CNTN6: variants seen among roughly 807,000 people sequenced by gnomAD.
CNTN6 encodes contactin-6.
CNTN6 carries 137 observed loss-of-function variants against 122.8 expected under a neutral mutation model. The observed-to-expected ratio is 1.12, with a 90% CI of 0.97 to 1.29. The LOEUF is 1.29. Ranked by LOEUF, CNTN6 falls within the 50% of genes most tolerant of loss-of-function variation. The pLI is 0.00. For missense variants in CNTN6, 1,634 were observed against 1,223.4 expected, an observed-to-expected ratio of 1.34 and a Z score of -5.01; for synonymous variants, 570 against 426.0, an observed-to-expected ratio of 1.34 and a Z score of -4.16.
chr3:1,146,813 T>C (rs1266168835), intron 1 of CNTN6, among the ~76,000 whole-genome samples: 1 of 152,144 alleles, frequency 6.6e-6, no homozygotes, highest in Non-Finnish European at 1.5e-5. Context: ...ATCTAATTTA[T>C]GTAAGGCATT....
rs557529147 is a variant in CNTN6, at chr3:1,151,905, G to GA, written c.55+3851dup. 5.4e-3 allele frequency among the ~76,000 whole-genome samples: 813 copies of GA among 149,930 alleles called. 5 individuals are homozygous for GA. Among genetic ancestry groups the GA allele is most frequent in the Middle Eastern group, 0.031 (9 of 290 alleles). On this transcript the variant is annotated intron_variant, in intron 2 of 22. Coordinates refer to ENST00000446702, the MANE Select transcript of CNTN6 (RefSeq NM_001289080.2). ...AAGAAGTCACAATAATTCCTGGAAG[G>GA]AAAAAAAAATCAAGAGGTTTAATAT...
At chr3:1,154,128 C>T (rs1030393301) in intron 2 of CNTN6, among the ~76,000 whole-genome samples, 4 of 152,154 alleles carry the variant, frequency 2.6e-5, no homozygotes, top group African/African-American at 9.7e-5. Context: ...ATCAAACCTT[C>T]TTCCAAAGTA....
chr3:1,114,226 C>G (rs933420876), intron 1 of CNTN6, among the ~76,000 whole-genome samples: 1 of 152,110 alleles, frequency 6.6e-6, no homozygotes, highest in Non-Finnish European at 1.5e-5. Context: ...GTGGCAAAGG[C>G]AGAATGACTG....
chr3:1,397,568 A>C (rs1695142515), intron 20 of CNTN6, among the ~76,000 whole-genome samples: 1 of 152,142 alleles, frequency 6.6e-6, no homozygotes, highest in Non-Finnish European at 1.5e-5. Context: ...ACATTACTTA[A>C]ATGGAATTTA....
intron 4 of CNTN6, among the ~76,000 whole-genome samples, chr3:1,262,495 T>C (rs1208377545): frequency 6.6e-6 from 1 of 152,146 alleles, no homozygotes; most frequent in African/African-American, 2.4e-5. Flanking sequence ...GTCTAAGATT[T>C]CTCTTGATCC....
intron 2 of CNTN6, among the ~76,000 whole-genome samples, chr3:1,151,052 G>T (rs1463256173): frequency 6.6e-6 from 1 of 152,134 alleles, no homozygotes; most frequent in Non-Finnish European, 1.5e-5. Flanking sequence ...GGCTCTGCCT[G>T]CACCTTTTTT....
At chr3:1,172,331 T>TA (rs145847463) in intron 2 of CNTN6, among the ~76,000 whole-genome samples, 13,591 of 152,218 alleles carry the variant, frequency 0.089, 798 homozygotes, top group Middle Eastern at 0.15. Context: ...ACTGACTTTT[T>TA]ATGTAACAGC....
intron 2 of CNTN6, among the ~76,000 whole-genome samples, chr3:1,201,843 A>G (rs2093876375): frequency 6.6e-6 from 1 of 152,266 alleles, no homozygotes; most frequent in Admixed American, 6.5e-5. Context: ...AGAAATTCCT[A>G]TGTTATATTG....
chr3:1,317,888 TAAAA>T (rs76953561), intron 7 of CNTN6, among the ~76,000 whole-genome samples: 4 of 130,742 alleles, frequency 3.1e-5, no homozygotes, highest in Admixed American at 7.6e-5. Context: ...AAATGCAGGT[TAAAA>T]AAAAAAAAAA....
intron 7 of CNTN6, among the ~76,000 whole-genome samples, chr3:1,300,517 GAA>G (rs1559754574): frequency 7.2e-6 from 1 of 138,958 alleles, no homozygotes; most frequent in African/African-American, 2.8e-5. Flanking sequence ...GAGAAAGAAA[GAA>G]AGAAAGATAA....
intron 4 of CNTN6, among the ~76,000 whole-genome samples, chr3:1,270,051 G>A (rs1176932862): frequency 6.6e-6 from 1 of 152,140 alleles, no homozygotes; most frequent in African/African-American, 2.4e-5. Context: ...TACAGCGTTT[G>A]ACAATAACAT....
intron 10 of CNTN6, among the ~76,000 whole-genome samples, chr3:1,329,407 G>C (rs1436188963): frequency 2.0e-5 from 3 of 151,578 alleles, no homozygotes; most frequent in Non-Finnish European, 4.4e-5. Flanking sequence ...TATTAGAAAA[G>C]TGACTTTGTC....
intron 11 of CNTN6, among the ~76,000 whole-genome samples, chr3:1,351,987 T>C (rs998655524): frequency 1.3e-5 from 2 of 151,918 alleles, no homozygotes; most frequent in Non-Finnish European, 2.9e-5. Context: ...CTTTGGAAAA[T>C]ACAGAGTAAA....
rs574264381 is a variant in CNTN6, at chr3:1,301,694, G to T, written c.761+3703G>T. Among the ~76,000 whole-genome samples the T allele has an allele frequency of 8.0e-4, 121 of 152,086 alleles. 1 individual carries two copies. Among genetic ancestry groups the T allele is most frequent in the Admixed American group, 7.8e-3 (119 of 15,284 alleles). On this transcript the variant is annotated intron_variant, in intron 7 of 22. Coordinates refer to ENST00000446702, the MANE Select transcript of CNTN6 (RefSeq NM_001289080.2). Reference sequence around the variant, plus strand: ...TAATATAGAATTGAAATACCTTGTGGTAAAAATGGAAAGTCTGAAGCATCT... The same window carrying T: ...TAATATAGAATTGAAATACCTTGTGTTAAAAATGGAAAGTCTGAAGCATCT...
chr3:1,377,199 C>T (rs1447578225), intron 17 of CNTN6, 124 bp downstream of exon 17: 2 of 585,906 alleles, frequency 3.4e-6, no homozygotes, highest in Admixed American at 6.8e-5. Context: ...TATAAAAATA[C>T]ATCATCCTGA....
chr3:1,201,322 G>A (rs1376920835), intron 2 of CNTN6, among the ~76,000 whole-genome samples: 1 of 151,926 alleles, frequency 6.6e-6, no homozygotes, highest in African/African-American at 2.4e-5. Flanking sequence ...CCCTATGATT[G>A]GGTTAGCATC....
chr3:1,339,022 C>T (rs1703503642), intron 11 of CNTN6, among the ~76,000 whole-genome samples: 1 of 151,792 alleles, frequency 6.6e-6, no homozygotes, highest in South Asian at 2.1e-4. Context: ...AAATCAGTCT[C>T]ATTAAAACCT....
At chr3:1,314,520 T>C (rs550251665) in intron 7 of CNTN6, among the ~76,000 whole-genome samples, 32 of 152,232 alleles carry the variant, frequency 2.1e-4, no homozygotes, top group African/African-American at 7.5e-4. Context: ...GCACTAGTAA[T>C]AAAAATTCTA....
At chr3:1,380,324 G>C (rs1264284472) in intron 17 of CNTN6, among the ~76,000 whole-genome samples, 1 of 152,094 alleles carries the variant, frequency 6.6e-6, no homozygotes, top group Non-Finnish European at 1.5e-5. Flanking sequence ...TTTCCCCAGA[G>C]CCACACAATA....
Sources: allele counts gnomAD v4.1 joint callset (sites outside exome capture counted in the v4.1 genomes callset), GRCh38; gene constraint gnomAD v4.1.1; transcripts MANE v1.5; gene names NCBI Gene and HGNC (gene_info 2026-07-23, HGNC 2026-07-21).